Variants in PCSK6 observed in about 807,000 individuals in gnomAD.
PCSK6 encodes the protein paired basic amino acid cleaving enzyme 4.
In PCSK6, 85 loss-of-function variants were observed where a neutral mutation model predicts 123.3. The ratio of observed to expected loss-of-function variants is 0.69; its 90% CI spans 0.58 to 0.83. The LOEUF (loss-of-function observed/expected upper bound fraction) is 0.83. PCSK6 is among the 40% of genes least tolerant of loss of function. PCSK6 has a pLI of 0.00. For missense variants in PCSK6, 1,191 were observed against 1,282.3 expected (o/e 0.93, Z 1.09); for synonymous variants, 508 against 516.0 (o/e 0.98, Z 0.21).
chr15:101,427,162 C>T (rs1050323485), intron 6 of PCSK6, among the ~76,000 whole-genome samples: 1 of 152,242 alleles, frequency 6.6e-6, no homozygotes, highest in East Asian at 1.9e-4. Context: ...GGCAGCTTGA[C>T]TGAGCAGTGT....
chr15:101,382,071 G>A (rs756710987), intron 11 of PCSK6, 21 bp downstream of exon 11: 26 of 1,548,502 alleles, frequency 1.7e-5, no homozygotes, highest in Admixed American at 5.4e-5. Context: ...AGAAGTCACC[G>A]ATGCCACAGC....
intron 13 of PCSK6, chr15:101,336,940 G>A (rs2040491668): frequency 6.6e-6 from 1 of 152,120 alleles, no homozygotes; most frequent in African/African-American, 2.4e-5. Context: ...TCTAATAGGT[G>A]CGATTTGTGA....
intron 2 of PCSK6, among the ~76,000 whole-genome samples, chr15:101,438,429 A>G (rs1356169985): frequency 6.6e-6 from 1 of 152,256 alleles, no homozygotes; most frequent in Non-Finnish European, 1.5e-5. Flanking sequence ...AACTTGAGAT[A>G]TGCTTCAGGA....
Position 101,370,464 on chromosome 15 carries a change from T to G in PCSK6, c.1592A>C (p.His531Pro). Residue 531 changes from histidine (H) to proline (P), a missense_variant, in exon 12 of 22, where the codon CAC becomes CCC. Physicochemically the swap from His to Pro is moderately conservative, Grantham distance 77 (BLOSUM62 -2). Around this residue, in one of 3 missense-constraint regions of PCSK6, gnomAD observed 630 missense variants for 631.4 expected, o/e 1.00. Transcript: ENST00000611716. ...TTALTSACAE[H>P]SDQRVVYLEH... Reference sequence around the variant, plus strand: ...CAAGTAGACCACCCGCTGGTCCGAGTGCTCCGCGCAGGCGCTGGTCAGGGC... The same window carrying G: ...CAAGTAGACCACCCGCTGGTCCGAGGGCTCCGCGCAGGCGCTGGTCAGGGC... 1 of 1,549,978 alleles carries G rather than the reference T, an allele frequency of 6.5e-7. No individual in the cohort carries two copies. Among genetic ancestry groups the G allele is most frequent in the South Asian group, 1.2e-5 (1 of 83,852 alleles).
chr15:101,381,452 G>C (rs79237880), intron 11 of PCSK6, among the ~76,000 whole-genome samples: 6,721 of 152,230 alleles, frequency 0.044, 276 homozygotes, highest in African/African-American at 0.11. Flanking sequence ...CCCTGCTCAC[G>C]GGAGAGAGAT....
At chr15:101,468,844 G>A (rs553108592) in intron 1 of PCSK6, among the ~76,000 whole-genome samples, 1 of 152,292 alleles carries the variant, frequency 6.6e-6, no homozygotes, top group Admixed American at 6.5e-5. Context: ...ATGACAGCTC[G>A]TCTCACGGAG....
intron 13 of PCSK6, among the ~76,000 whole-genome samples, chr15:101,336,033 T>C (rs1479097430): frequency 2.0e-5 from 3 of 152,202 alleles, no homozygotes; most frequent in Admixed American, 2.0e-4. Context: ...CAATGACTAT[T>C]GAATATGGGG....
At chr15:101,423,071 A>G (rs2056137140) in intron 6 of PCSK6, among the ~76,000 whole-genome samples, 1 of 152,204 alleles carries the variant, frequency 6.6e-6, no homozygotes, top group Non-Finnish European at 1.5e-5. Flanking sequence ...CATTATAAAC[A>G]TACTCCTAAA....
At chr15:101,314,417 G>A (rs1378892803) in intron 19 of PCSK6, among the ~76,000 whole-genome samples, 2 of 152,346 alleles carry the variant, frequency 1.3e-5, no homozygotes, top group South Asian at 2.1e-4. Context: ...AGGCAGGGAG[G>A]AGATTATCTC....
In PCSK6 at chr15:101,364,998, C is replaced by T. The variant is rs75010033; in HGVS notation, c.1858+1198G>A. 2.3e-3 allele frequency: 1,793 copies of T among 778,054 alleles called. 24 individuals are homozygous for T. In the African/African-American group the frequency reaches 0.026, roughly 11 times the overall value. 48.2% of individuals were successfully genotyped at this position (778,054 alleles called of 1,614,324 possible). On this transcript the variant is annotated intron_variant, in intron 13 of 21. Coordinates refer to ENST00000611716, the MANE Select transcript of PCSK6 (RefSeq NM_002570.5). The stretch of plus-strand genomic sequence containing the variant: ...ACAGAATCGAGAGTGTGGAAACGAA[C>T]CTCTCTTCTGTGGTCAGTTGATTTG...
intron 1 of PCSK6, among the ~76,000 whole-genome samples, chr15:101,468,445 T>G (rs561318722): frequency 6.6e-6 from 1 of 152,330 alleles, no homozygotes; most frequent in Admixed American, 6.5e-5. Context: ...TTGGGTGACA[T>G]CCAGCATATT....
At chr15:101,324,131 C>G (rs1351234840) in intron 17 of PCSK6, among the ~76,000 whole-genome samples, 1 of 152,220 alleles carries the variant, frequency 6.6e-6, no homozygotes, top group Non-Finnish European at 1.5e-5. Context: ...CTAGTTGTGG[C>G]CTTTGCCCCT....
At chr15:101,370,268 C>A in intron 12 of PCSK6, 67 bp downstream of exon 12, 1 of 1,335,674 alleles carries the variant, frequency 7.5e-7, no homozygotes. Context: ...CAAGACTGGA[C>A]AGAAGCTCTT....
rs117915324 is a variant in PCSK6 at position 101,365,344 on chromosome 15, G to A, written c.1858+852C>T. 7.4e-4 allele frequency among the ~76,000 whole-genome samples: 113 copies of A among 152,204 alleles called. No homozygotes were observed. In the East Asian group the frequency reaches 0.019, roughly 25 times the overall value. ...CAAGGTGCATCATCAGGCAATTGAA[G>A]AACCACAGATACCACTTCACACCTA... is the stretch of plus-strand genomic sequence containing the variant. On this transcript the variant is annotated intron_variant, in intron 13 of 21. Transcript: ENST00000611716.
At chr15:101,353,193 T>C (rs1451744780) in intron 13 of PCSK6, among the ~76,000 whole-genome samples, 4 of 152,070 alleles carry the variant, frequency 2.6e-5, no homozygotes, top group Non-Finnish European at 5.9e-5. Context: ...CGGTCCCGTC[T>C]GGGGGTGATG....
At chr15:101,451,661 C>T (rs896994900) in intron 1 of PCSK6, among the ~76,000 whole-genome samples, 1 of 152,202 alleles carries the variant, frequency 6.6e-6, no homozygotes, top group Non-Finnish European at 1.5e-5. Flanking sequence ...CTTCCGGAGC[C>T]GCTTGTCTGT....
chr15:101,371,259 C>T (rs975457799), intron 11 of PCSK6, among the ~76,000 whole-genome samples: 1 of 151,904 alleles, frequency 6.6e-6, no homozygotes, highest in African/African-American at 2.4e-5. Context: ...GGTGAATGTC[C>T]CCAGGGATGG....
rs1275480611 is a variant in PCSK6, at chr15:101,451,638, T to G, written c.298-7978A>C. Among the ~76,000 whole-genome samples, 9 of 152,360 alleles carry G rather than the reference T, an allele frequency of 5.9e-5. No individual in the cohort carries two copies. The East Asian group carries it at 1.7e-3, about 29-fold the overall frequency. ...TTCCAAACCCCGTCCGCTCCGCAGCTGCAGCGTGCCTGCTTCCGGAGCCGC... is the reference window on the plus strand; with the variant it reads ...TTCCAAACCCCGTCCGCTCCGCAGCGGCAGCGTGCCTGCTTCCGGAGCCGC... On this transcript the variant is annotated intron_variant, in intron 1 of 21. Coordinates refer to ENST00000611716, the MANE Select transcript of PCSK6 (RefSeq NM_002570.5).
In PCSK6 at chr15:101,480,688, GCTCCAGGGCACCAGTGGGGC is replaced by G. The variant is rs2057855779; in HGVS notation, c.297+8666_297+8685del. 2.6e-5 allele frequency among the ~76,000 whole-genome samples: 4 copies of G among 152,338 alleles called. No homozygotes were observed. In the South Asian group the frequency reaches 8.3e-4, roughly 32 times the overall value. On this transcript the variant is annotated intron_variant, in intron 1 of 21. Coordinates refer to ENST00000611716, the MANE Select transcript of PCSK6 (RefSeq NM_002570.5). ...GCAGGGTGTGAAGCATCCACAGTGAGCTCCAGGGCACCAGTGGGGCCTCCAGGGCACTAGTGGGGCCTTCA... is the reference window on the plus strand; with the variant it reads ...GCAGGGTGTGAAGCATCCACAGTGAGCTCCAGGGCACTAGTGGGGCCTTCA...
Sources: allele counts gnomAD v4.1 joint callset (sites outside exome capture counted in the v4.1 genomes callset), GRCh38; gene constraint gnomAD v4.1.1; regional missense constraint gnomAD v4.1.1; transcripts MANE v1.5; gene names NCBI Gene and HGNC (gene_info 2026-07-23, HGNC 2026-07-21).